GABRB2: variants seen among roughly 807,000 people sequenced by gnomAD.
The protein encoded by GABRB2 is gamma-aminobutyric acid receptor subunit beta-2.
A neutral mutation model predicts 54.7 loss-of-function variants in GABRB2; 16 were observed. That is an observed-to-expected ratio of 0.29 (90% confidence interval 0.20 to 0.44). The LOEUF is 0.44. GABRB2 is among the 20% of genes least tolerant of loss of function. The pLI, the probability that GABRB2 is intolerant of heterozygous loss-of-function variation, is 1.00. For missense variants in GABRB2, 355 were observed against 644.0 expected, an observed-to-expected ratio of 0.55 and a Z score of 4.86; for synonymous variants, 244 against 233.8, an observed-to-expected ratio of 1.04 and a Z score of -0.40.
At chr5:161,471,558 T>C (rs917894918) in intron 3 of GABRB2, among the ~76,000 whole-genome samples, 6 of 152,062 alleles carry the variant, frequency 3.9e-5, no homozygotes, top group African/African-American at 1.2e-4. Flanking sequence ...TTTTCTTGTA[T>C]GTGAAACACA....
At chr5:161,323,893 A>G (rs1450784261) in intron 9 of GABRB2, among the ~76,000 whole-genome samples, 1 of 152,214 alleles carries the variant, frequency 6.6e-6, no homozygotes, top group African/African-American at 2.4e-5. Context: ...ACCTGACTAC[A>G]TATATCACCA....
At chr5:161,517,946 G>A (rs1001973042) in intron 3 of GABRB2, among the ~76,000 whole-genome samples, 2 of 149,792 alleles carry the variant, frequency 1.3e-5, no homozygotes, top group Non-Finnish European at 2.9e-5. Context: ...ACAGGCGCCC[G>A]CCACCACACC....
intron 3 of GABRB2, among the ~76,000 whole-genome samples, chr5:161,524,274 T>C (rs1444646194): frequency 1.3e-5 from 2 of 151,242 alleles, no homozygotes; most frequent in Admixed American, 1.3e-4. Context: ...CAAAGCAAAC[T>C]TGAACATAAG....
intron 3 of GABRB2, among the ~76,000 whole-genome samples, chr5:161,461,732 G>C (rs1187256263): frequency 2.0e-5 from 3 of 152,026 alleles, no homozygotes. Context: ...CCTACTTGAG[G>C]GTTTTTTAAA....
intron 7 of GABRB2, among the ~76,000 whole-genome samples, chr5:161,332,476 CTG>C (rs372362901): frequency 6.6e-6 from 1 of 152,210 alleles, no homozygotes; most frequent in East Asian, 1.9e-4. Context: ...ATTGTTTGTC[CTG>C]TTGAGTTGGT....
chr5:161,327,115 T>G, intron 8 of GABRB2: 2 of 304,784 alleles, frequency 6.6e-6, no homozygotes, highest in Non-Finnish European at 9.6e-6. Flanking sequence ...AAGACTCTCC[T>G]AGCATTAGAA....
At chr5:161,406,720 C>T (rs1190382126) in intron 5 of GABRB2, among the ~76,000 whole-genome samples, 1 of 152,002 alleles carries the variant, frequency 6.6e-6, no homozygotes, top group African/African-American at 2.4e-5. Context: ...CTCAGGTAAT[C>T]AGTGACTCTG....
At chr5:161,451,690 A>T (rs938337166) in intron 4 of GABRB2, among the ~76,000 whole-genome samples, 1 of 152,174 alleles carries the variant, frequency 6.6e-6, no homozygotes. Flanking sequence ...CCTATCATGG[A>T]TGAAGAATGA....
intron 3 of GABRB2, among the ~76,000 whole-genome samples, chr5:161,470,452 T>G (rs1426163055): frequency 6.6e-6 from 1 of 151,928 alleles, no homozygotes; most frequent in Non-Finnish European, 1.5e-5. Context: ...ACAACAATAA[T>G]AAAATAGAAC....
intron 3 of GABRB2, among the ~76,000 whole-genome samples, chr5:161,462,998 A>C (rs557449499): frequency 6.6e-6 from 1 of 152,104 alleles, no homozygotes; most frequent in African/African-American, 2.4e-5. Flanking sequence ...ATTCAAACTG[A>C]AAAACCCCAA....
intron 3 of GABRB2, among the ~76,000 whole-genome samples, chr5:161,506,154 A>C (rs1393487216): frequency 6.6e-6 from 1 of 152,148 alleles, no homozygotes; most frequent in East Asian, 1.9e-4. Context: ...AGGAAAATAA[A>C]TTCTCATAAA....
chr5:161,298,717 T>C (rs1042818368), intron 9 of GABRB2, among the ~76,000 whole-genome samples: 24 of 152,316 alleles, frequency 1.6e-4, no homozygotes, highest in African/African-American at 5.8e-4. Context: ...TAAACTGTTA[T>C]TTTCCATAGT....
chr5:161,376,218 G>T (rs190067195), intron 5 of GABRB2, among the ~76,000 whole-genome samples: 1 of 152,188 alleles, frequency 6.6e-6, no homozygotes, highest in Non-Finnish European at 1.5e-5. Context: ...AAAAATAAAA[G>T]GGGAAGTGGG....
chr5:161,428,635 C>A (rs1157860898), intron 4 of GABRB2, among the ~76,000 whole-genome samples: 1 of 152,136 alleles, frequency 6.6e-6, no homozygotes, highest in Admixed American at 6.6e-5. Context: ...AGTTCTAATA[C>A]ACCTGAATGA....
chr5:161,382,347 G>A (rs1450547405), intron 5 of GABRB2, among the ~76,000 whole-genome samples: 1 of 152,188 alleles, frequency 6.6e-6, no homozygotes, highest in Non-Finnish European at 1.5e-5. Context: ...TCATCAGACT[G>A]AGGGGGTACA....
At chr5:161,344,553 T>G (rs1335552635) in intron 5 of GABRB2, among the ~76,000 whole-genome samples, 2 of 151,986 alleles carry the variant, frequency 1.3e-5, no homozygotes, top group East Asian at 3.9e-4. Context: ...CAACAGATGC[T>G]GGTGGGGCTA....
intron 9 of GABRB2, among the ~76,000 whole-genome samples, chr5:161,305,062 T>C (rs536355091): frequency 0.016 from 2,214 of 140,980 alleles, 22 homozygotes; most frequent in Middle Eastern, 0.08. Context: ...CAGGCCGGAC[T>C]GCGGACTGCA....
intron 4 of GABRB2, among the ~76,000 whole-genome samples, chr5:161,452,277 A>G (rs532028325): frequency 6.6e-6 from 1 of 152,326 alleles, no homozygotes; most frequent in Admixed American, 6.5e-5. Flanking sequence ...GGAAGTGCTA[A>G]AAGGATATAT....
chr5:161,347,850 A>T (rs1754363094), intron 5 of GABRB2, among the ~76,000 whole-genome samples: 1 of 152,134 alleles, frequency 6.6e-6, no homozygotes. Context: ...CAGAAAACAA[A>T]CCATTTTTTT....
Sources: allele counts gnomAD v4.1 joint callset (sites outside exome capture counted in the v4.1 genomes callset), GRCh38; gene constraint gnomAD v4.1.1; transcripts MANE v1.5; gene names NCBI Gene and HGNC (gene_info 2026-07-23, HGNC 2026-07-21).